The following C2CD3 variants were observed in gnomAD, a reference collection of about 807,000 sequenced individuals.
C2CD3 encodes C2 domain containing 3 centriole elongation regulator.
In C2CD3, 148 loss-of-function variants were observed where a neutral mutation model predicts 234.0. That is an observed-to-expected ratio of 0.63 (90% CI 0.55 to 0.72). The LOEUF (loss-of-function observed/expected upper bound fraction) is 0.72. Ranked by LOEUF, C2CD3 falls within the 30% of genes least tolerant of loss-of-function variation. The pLI is 0.00. For synonymous variants in C2CD3, 1,000 were observed against 1,035.4 expected (o/e 0.97, Z 0.66); for missense variants, 2,577 against 2,811.5 (o/e 0.92, Z 1.89).
Position 74,019,037 on chromosome 11 carries a change from C to A in C2CD3, c.6922-5512G>T, listed in dbSNP as rs534076642. Among the ~76,000 whole-genome samples, 38 of 152,296 alleles carry A rather than the reference C, an allele frequency of 2.5e-4. No individual in the cohort carries two copies. In the South Asian group the frequency reaches 7.9e-3, roughly 32 times the overall value. ...ATGCTACGAAGGGGCCTGACTAGGG[C>A]AAGACTCCTCAACCCTTTTTTTTGT... On this transcript the variant is annotated intron_variant, in intron 32 of 32. Coordinates refer to ENST00000334126, the MANE Select transcript of C2CD3 (RefSeq NM_001286577.2).
At chr11:74,030,632 A>ACTT (rs2135410243) in intron 31 of C2CD3, among the ~76,000 whole-genome samples, 1 of 152,098 alleles carries the variant, frequency 6.6e-6, no homozygotes, top group South Asian at 2.1e-4. Flanking sequence ...CACACTGGAG[A>ACTT]TGCTCAGAGT....
Position 74,033,656 on chromosome 11 carries a change from G to A in C2CD3, c.6504C>T (p.Ala2168=), listed in dbSNP as rs1172170797. The change falls in exon 31 of 33, where the codon GCC becomes GCT. Residue 2168 remains alanine, a synonymous_variant. Transcript: ENST00000334126. ...ASKARVGGES[A]SANPQPIPCP... ...ATGGGATGGGCTGAGGGTTGGCTGA[G>A]GCAGACTCGCCACCAACCCTGGCCT... is the stretch of plus-strand genomic sequence containing the variant. The A allele has an allele frequency of 3.3e-6, 5 of 1,536,220 alleles. No homozygotes were observed. Among genetic ancestry groups the A allele is most frequent in the Non-Finnish European group, 4.4e-6 (5 of 1,146,918 alleles).
chr11:74,108,573 G>A (rs1293760220), intron 12 of C2CD3, among the ~76,000 whole-genome samples: 1 of 152,150 alleles, frequency 6.6e-6, no homozygotes, highest in African/African-American at 2.4e-5. Flanking sequence ...ACAGGAAGTA[G>A]AACCTCAAAT....
In C2CD3 at chr11:74,149,714, G is replaced by A. The variant is rs191295233; in HGVS notation, c.484-9886C>T. Among the ~76,000 whole-genome samples the A allele has an allele frequency of 3.2e-3, 482 of 151,834 alleles. 3 individuals carry two copies. The Middle Eastern group carries it at 0.034, about 11-fold the overall frequency. ...ACCTCAAATCAAGGGATTCTCTTCG[G>A]CTCCCTCCTGTGTTGTATCTCTTGT... On this transcript the variant is annotated intron_variant, in intron 3 of 32. Coordinates refer to ENST00000334126, the MANE Select transcript of C2CD3 (RefSeq NM_001286577.2).
intron 30 of C2CD3, chr11:74,036,204 A>T (rs1231078471): frequency 3.3e-6 from 1 of 301,786 alleles, no homozygotes; most frequent in Non-Finnish European, 6.6e-6. Context: ...CTTTAGAAAG[A>T]TTCCCCTATT....
intron 28 of C2CD3, among the ~76,000 whole-genome samples, chr11:74,044,092 G>A (rs889642209): frequency 2.6e-5 from 4 of 151,834 alleles, no homozygotes; most frequent in Admixed American, 6.6e-5. Context: ...TCCTCCCACC[G>A]CAGCCTCCCC....
In C2CD3 at chr11:74,131,484, T is replaced by C. The variant is rs181625754; in HGVS notation, c.1217+1360A>G. Among the ~76,000 whole-genome samples the C allele has an allele frequency of 6.1e-4, 93 of 152,296 alleles. 1 individual carries two copies. Among genetic ancestry groups the C allele is most frequent in the Non-Finnish European group, 5.9e-5 (4 of 68,032 alleles). ...GTATAAAATTATTTTTATATGTTGC[T>C]GGGTTCGGTTTGCAAGTATTTTCTG... On this transcript the variant is annotated intron_variant, in intron 7 of 32. Transcript: ENST00000334126.
chr11:74,149,511 G>T (rs1260792507), intron 3 of C2CD3, among the ~76,000 whole-genome samples: 1 of 151,422 alleles, frequency 6.6e-6, no homozygotes, highest in East Asian at 1.9e-4. Context: ...TGTTTTTATT[G>T]TTCTTATTGT....
chr11:74,019,072 TA>T, intron 32 of C2CD3, among the ~76,000 whole-genome samples: 1 of 152,288 alleles, frequency 6.6e-6, no homozygotes, highest in Middle Eastern at 3.4e-3. Context: ...TTTGTTTTTT[TA>T]AACAGGGCCT....
At chr11:74,133,692 G>T in intron 5 of C2CD3, 135 bp from the exon 6 acceptor site, 1 of 819,638 alleles carries the variant, frequency 1.2e-6, no homozygotes, top group Non-Finnish European at 1.9e-6. Context: ...TTCCCCATTA[G>T]CTTGAGAATT....
chr11:74,156,723 ATT>A (rs1472689660), intron 3 of C2CD3, among the ~76,000 whole-genome samples: 1 of 152,224 alleles, frequency 6.6e-6, no homozygotes, highest in Admixed American at 6.5e-5. Flanking sequence ...TAATTCCAGG[ATT>A]TTGGAAGGCC....
chr11:74,085,632 T>A lies in C2CD3; in HGVS notation c.3896A>T (p.Glu1299Val). 1.2e-6 allele frequency: 2 copies of A among 1,614,192 alleles called. No homozygotes were observed. Among genetic ancestry groups the A allele is most frequent in the Non-Finnish European group, 1.7e-6 (2 of 1,180,022 alleles). Reference sequence around the variant, plus strand: ...ATGGTGCTCACCTGACTTGGTATTTTCATGATAGACAGCAAAAATAACTTC... The same window carrying A: ...ATGGTGCTCACCTGACTTGGTATTTACATGATAGACAGCAAAAATAACTTC... Reference protein sequence around the residue: ...FAEVIFAVYHENTKSASDIIS... With the variant: ...FAEVIFAVYHVNTKSASDIIS... The change falls in exon 21 of 33, where the codon GAA becomes GTA. Residue 1299 changes from glutamate (E) to valine (V), a missense_variant. By Grantham distance (121) the Glu-to-Val change is moderately radical (BLOSUM62 -2). Transcript: ENST00000334126.
intron 2 of C2CD3, 77 bp from the exon 3 acceptor site, chr11:74,161,633 T>G (rs144043320): frequency 4.2e-5 from 39 of 931,144 alleles, no homozygotes; most frequent in Non-Finnish European, 5.6e-5. Flanking sequence ...TAGAGGGGTA[T>G]ATGCGGAAAA....
intron 6 of C2CD3, among the ~76,000 whole-genome samples, 177 bp downstream of exon 6, chr11:74,133,248 C>T (rs1957740367): frequency 6.6e-6 from 1 of 152,124 alleles, no homozygotes; most frequent in Non-Finnish European, 1.5e-5. Flanking sequence ...GCTGCCAGTA[C>T]CAGTGCTAGG....
At chr11:74,015,395 T>C (rs892320974) in intron 32 of C2CD3, among the ~76,000 whole-genome samples, 3 of 152,230 alleles carry the variant, frequency 2.0e-5, no homozygotes, top group African/African-American at 7.2e-5. Flanking sequence ...AGGCTCTATG[T>C]AGCACTTTAA....
Position 74,048,272 on chromosome 11 carries a change from C to T in C2CD3, c.5428G>A (p.Ala1810Thr). The T allele has an allele frequency of 6.2e-7, 1 of 1,613,648 alleles. No individual in the cohort carries two copies. Among genetic ancestry groups the T allele is most frequent in the Non-Finnish European group, 8.5e-7 (1 of 1,179,744 alleles). ...GCAAGTTGGTCTAGGGTCTGCCTTG[C>T]CATGTGGCTGGAGAATGCAGCATAC... ...DTYAAFSSHM[A>T]RQTLDQLAHA... The change falls in exon 28 of 33, where the codon GCA (alanine) becomes ACA (threonine). Residue 1810 changes from alanine (A) to threonine (T), a missense_variant. Ala to Thr is a moderately conservative substitution (Grantham distance 58, BLOSUM62 0). Transcript: ENST00000334126.
At chr11:74,139,004 A>G (rs1206441757) in intron 4 of C2CD3, 37 bp from the exon 5 acceptor site, 1 of 1,547,272 alleles carries the variant, frequency 6.5e-7, no homozygotes, top group African/African-American at 1.4e-5. Flanking sequence ...AGCAATATAT[A>G]ATCTATTATG....
chr11:74,130,119 GA>G (rs1957602823), intron 7 of C2CD3: 1 of 144,294 alleles, frequency 6.9e-6, no homozygotes, highest in African/African-American at 2.7e-5. Flanking sequence ...AGACCGTGGG[GA>G]GGGGGAGAGG....
chr11:74,168,414 T>C lies in C2CD3; in HGVS notation c.255A>G (p.Pro85=), dbSNP rs1471029895. ...AACGTGTAGTTGTTCTCACAGCTTT[T>C]GGTTCAGTCTGCAATGCATCCCTGG... The part of the protein sequence containing the change: ...FCPRDALQTE[P]KAVRTTTRYA... The change falls in exon 2 of 33, where the codon CCA becomes CCG. Residue 85 remains proline, a synonymous_variant. Coordinates refer to ENST00000334126, the MANE Select transcript of C2CD3 (RefSeq NM_001286577.2). The C allele has an allele frequency of 1.2e-6, 2 of 1,614,166 alleles. No individual in the cohort carries two copies. Among genetic ancestry groups the C allele is most frequent in the South Asian group, 2.2e-5 (2 of 91,084 alleles).
Sources: gnomAD v4.1 joint callset for allele counts (sites outside exome capture counted in the v4.1 genomes callset) on GRCh38, gnomAD v4.1.1 for gene constraint, MANE v1.5 for transcripts, NCBI Gene and HGNC (gene_info 2026-07-23, HGNC 2026-07-21) for gene names.